FBXO42: variants seen among roughly 807,000 people sequenced by gnomAD.
FBXO42 encodes F-box only protein 42.
In FBXO42, 12 loss-of-function variants were observed where a neutral mutation model predicts 71.7. The ratio of observed to expected loss-of-function variants is 0.17; its 90% CI spans 0.11 to 0.27. The LOEUF (loss-of-function observed/expected upper bound fraction) is 0.27. Ranked by LOEUF, FBXO42 falls within the 10% of genes least tolerant of loss-of-function variation. The pLI is 1.00. For missense variants in FBXO42, 707 were observed against 911.9 expected, an observed-to-expected ratio of 0.78 and a Z score of 2.89; for synonymous variants, 325 against 327.5, an observed-to-expected ratio of 0.99 and a Z score of 0.08.
At chr1:16,311,047 C>T (rs139363343) in intron 2 of FBXO42, among the ~76,000 whole-genome samples, 1 of 145,138 alleles carries the variant, frequency 6.9e-6, no homozygotes, top group East Asian at 2.0e-4. Flanking sequence ...TGGGTCAACG[C>T]CGGGCACGGT....
chr1:16,262,810 G>A (rs909019763), intron 4 of FBXO42, among the ~76,000 whole-genome samples: 2 of 152,034 alleles, frequency 1.3e-5, no homozygotes, highest in Non-Finnish European at 2.9e-5. Context: ...CTCAAGCTCA[G>A]GTGATTCTCA....
At position 16,251,378 on chromosome 1, in the gene FBXO42, C is replaced by T. The variant is rs1207704122; in HGVS notation, c.1446G>A (p.Leu482=). Residue 482 remains leucine (L), a synonymous_variant, in exon 10 of 10, where the codon TTG becomes TTA. Transcript: ENST00000375592. The surrounding 1 kb of genome is among the most constrained non-coding windows in gnomAD (Gnocchi z 4.5). ...EGYDLKIGLS[L]APRRGSLPDQ... ...CTGGTAGTGATCCTCGTCGGGGGGC[C>T]AAAGAAAGTCCTATTTTCAGGTCGT... 1 of 1,613,874 alleles carries T rather than the reference C, an allele frequency of 6.2e-7. No homozygotes were observed.
intron 3 of FBXO42, among the ~76,000 whole-genome samples, chr1:16,296,699 C>T (rs927559649): frequency 2.7e-5 from 4 of 150,812 alleles, no homozygotes; most frequent in Non-Finnish European, 5.9e-5. Flanking sequence ...AAGAAATTCA[C>T]AGATTCATTG....
intron 4 of FBXO42, among the ~76,000 whole-genome samples, chr1:16,279,346 CTTGAG>C (rs113377225): frequency 0.026 from 3,917 of 152,240 alleles, 139 homozygotes; most frequent in African/African-American, 0.09. Flanking sequence ...AGGATGACTG[CTTGAG>C]TCTAGGAGTT....
intron 3 of FBXO42, among the ~76,000 whole-genome samples, chr1:16,302,859 A>G (rs2100548607): frequency 6.6e-6 from 1 of 152,208 alleles, no homozygotes; most frequent in East Asian, 1.9e-4. Flanking sequence ...CTTTCACTAT[A>G]ACAAGAACAG....
intron 2 of FBXO42, among the ~76,000 whole-genome samples, chr1:16,309,524 G>A (rs1284488954): frequency 1.3e-5 from 2 of 152,110 alleles, no homozygotes; most frequent in African/African-American, 4.8e-5. Flanking sequence ...AAAACTCCTC[G>A]AAGATAACAG....
chr1:16,255,852 A>G lies in FBXO42; in HGVS notation c.657-31T>C, dbSNP rs370577502. The G allele has an allele frequency of 1.7e-5, 25 of 1,493,872 alleles. No individual in the cohort carries two copies. In the African/African-American group the frequency reaches 2.6e-4, roughly 16 times the overall value. 92.5% of individuals were successfully genotyped at this position (1,493,872 alleles called of 1,614,324 possible). A position where few individuals can be genotyped will look rare whatever the true frequency, so the allele number is the denominator to read the frequency against. On this transcript the variant is annotated intron_variant, in intron 5 of 9. Transcript: ENST00000375592. ...GTAAAAAGACAGGAGGAAGTCAAGA[A>G]GTCAGCACCACACACTTTATGTAAA...
chr1:16,270,749 G>GAC (rs1437758517), intron 4 of FBXO42, among the ~76,000 whole-genome samples: 2 of 94,624 alleles, frequency 2.1e-5, no homozygotes, highest in East Asian at 3.3e-4. Flanking sequence ...CTTACCATGA[G>GAC]ATACACACAC....
At chr1:16,294,633 TTAC>T in intron 4 of FBXO42, 147 bp downstream of exon 4, 1 of 743,394 alleles carries the variant, frequency 1.3e-6, no homozygotes, top group Non-Finnish European at 2.1e-6. Context: ...CACAAGCATA[TTAC>T]TATTATCATT....
intron 1 of FBXO42, among the ~76,000 whole-genome samples, chr1:16,349,631 C>T (rs2082681499): frequency 6.6e-6 from 1 of 152,196 alleles, no homozygotes; most frequent in South Asian, 2.1e-4. Context: ...GAGGCCAAGG[C>T]AGGTGGATCG....
intron 2 of FBXO42, among the ~76,000 whole-genome samples, chr1:16,313,313 AG>A (rs1271100464): frequency 6.9e-6 from 1 of 145,596 alleles, no homozygotes; most frequent in African/African-American, 2.6e-5. Flanking sequence ...AGAAAGAAAG[AG>A]AAAAGAAAAC....
chr1:16,247,814 T>C lies in FBXO42; in HGVS notation c.*2856A>G, dbSNP rs2081549266. On this transcript the variant is annotated 3_prime_UTR_variant, in exon 10 of 10. Transcript: ENST00000375592. Reference sequence around the variant, plus strand: ...ATAGGAATGAAAACACAAAACCCGCTCTGCTGTATAACCTGTGAAATAAGA... The same window carrying C: ...ATAGGAATGAAAACACAAAACCCGCCCTGCTGTATAACCTGTGAAATAAGA... 1 of 152,118 alleles carries C rather than the reference T, an allele frequency of 6.6e-6. No homozygotes were observed. Among genetic ancestry groups the C allele is most frequent in the Non-Finnish European group, 1.5e-5 (1 of 68,042 alleles). 9.4% of individuals were successfully genotyped at this position (152,118 alleles called of 1,614,324 possible). A position where few individuals can be genotyped will look rare whatever the true frequency, so the allele number is the denominator to read the frequency against.
intron 1 of FBXO42, among the ~76,000 whole-genome samples, chr1:16,342,370 T>C (rs1286524357): frequency 7.7e-6 from 1 of 129,388 alleles, no homozygotes; most frequent in Non-Finnish European, 1.6e-5. Flanking sequence ...CACTCCAGCC[T>C]GGGCAAGAAG....
chr1:16,340,251 T>C (rs12138708), intron 1 of FBXO42, among the ~76,000 whole-genome samples: 39,530 of 150,574 alleles, frequency 0.26, 5,892 homozygotes, highest in Non-Finnish European at 0.34. Context: ...TTCAGAAAAA[T>C]AGGCATGAAA....
chr1:16,318,829 G>A lies in FBXO42; in HGVS notation c.-17-3394C>T, dbSNP rs564259879. Among the ~76,000 whole-genome samples, 9 of 152,142 alleles carry A rather than the reference G, an allele frequency of 5.9e-5. No homozygotes were observed. The East Asian group carries it at 9.6e-4, about 16-fold the overall frequency. ...CAACAGAGAGCTCGGGAGCAAAGACGGCCACTCAGGGGAATCTAGTACTGG... is the reference window on the plus strand; with the variant it reads ...CAACAGAGAGCTCGGGAGCAAAGACAGCCACTCAGGGGAATCTAGTACTGG... On this transcript the variant is annotated intron_variant, in intron 1 of 9. Transcript: ENST00000375592.
intron 6 of FBXO42, among the ~76,000 whole-genome samples, chr1:16,255,122 G>A (rs1440603744): frequency 1.3e-5 from 2 of 152,138 alleles, no homozygotes; most frequent in African/African-American, 4.8e-5. Context: ...TTGGCCTTCT[G>A]CAGGCACAGC....
intron 4 of FBXO42, among the ~76,000 whole-genome samples, chr1:16,270,257 A>G (rs1234133768): frequency 6.6e-6 from 1 of 152,072 alleles, no homozygotes; most frequent in Non-Finnish European, 1.5e-5. Context: ...ACACCTCTTA[A>G]AGACCCCACC....
chr1:16,329,401 G>A (rs1243492372), intron 1 of FBXO42, among the ~76,000 whole-genome samples: 1 of 151,696 alleles, frequency 6.6e-6, no homozygotes, highest in African/African-American at 2.4e-5. Context: ...CTGGGCAACA[G>A]GGTGAAACCC....
At chr1:16,296,060 T>C (rs2100533558) in intron 3 of FBXO42, among the ~76,000 whole-genome samples, 1 of 152,288 alleles carries the variant, frequency 6.6e-6, no homozygotes, top group East Asian at 1.9e-4. Context: ...TCAGAAGGGC[T>C]GTTACCCAAA....
Sources: allele counts gnomAD v4.1 joint callset (sites outside exome capture counted in the v4.1 genomes callset), GRCh38; gene constraint gnomAD v4.1.1; non-coding constraint Gnocchi (gnomAD v3.1); transcripts MANE v1.5; gene names NCBI Gene and HGNC (gene_info 2026-07-23, HGNC 2026-07-21).